Variants in LRRC4C observed in about 807,000 individuals in gnomAD.
The protein encoded by LRRC4C is leucine rich repeat containing 4C.
A neutral mutation model predicts 33.6 loss-of-function variants in LRRC4C; 5 were observed. The observed-to-expected ratio is 0.15, with a 90% confidence interval of 0.08 to 0.31. LRRC4C has a LOEUF of 0.31. Ranked by LOEUF, LRRC4C falls within the 10% of genes least tolerant of loss-of-function variation. The probability of loss-of-function intolerance (pLI) is 1.00; values close to 1 mark genes in which losing one functional copy is unlikely to be tolerated. For synonymous variants in LRRC4C, 329 were observed against 302.0 expected (o/e 1.09, Z -0.93); for missense variants, 560 against 796.7 (o/e 0.70, Z 3.58).
chr11:41,255,862 T>C (rs1257471103), intron 1 of LRRC4C, among the ~76,000 whole-genome samples: 1 of 152,004 alleles, frequency 6.6e-6, no homozygotes, highest in Non-Finnish European at 1.5e-5. Flanking sequence ...TGTGCCCTTC[T>C]AGGAGTCAGC....
chr11:40,966,437 T>C (rs1851371643), intron 1 of LRRC4C, among the ~76,000 whole-genome samples: 1 of 151,958 alleles, frequency 6.6e-6, no homozygotes, highest in South Asian at 2.1e-4. Context: ...CCAAGGCACC[T>C]ATCTTTTATA....
chr11:40,229,557 G>A (rs1865055296), intron 5 of LRRC4C, among the ~76,000 whole-genome samples: 1 of 152,248 alleles, frequency 6.6e-6, no homozygotes, highest in Non-Finnish European at 1.5e-5. Context: ...ACAGGTGTGA[G>A]CCACCACACC....
chr11:40,620,760 G>T (rs1343332630), intron 3 of LRRC4C, among the ~76,000 whole-genome samples: 1 of 151,772 alleles, frequency 6.6e-6, no homozygotes, highest in Non-Finnish European at 1.5e-5. Context: ...ATCATTTAGC[G>T]AACATCTTTG....
chr11:41,408,370 G>A (rs546738541), intron 1 of LRRC4C, among the ~76,000 whole-genome samples: 1 of 152,202 alleles, frequency 6.6e-6, no homozygotes, highest in South Asian at 2.1e-4. Context: ...GAAGAAGTAT[G>A]TTAGAATTCA....
chr11:40,963,003 A>C (rs548695497), intron 1 of LRRC4C, among the ~76,000 whole-genome samples: 1 of 151,722 alleles, frequency 6.6e-6, no homozygotes, highest in African/African-American at 2.4e-5. Context: ...AAGATACAGA[A>C]GTGGTTATGC....
At chr11:40,559,934 A>T (rs890662546) in intron 3 of LRRC4C, among the ~76,000 whole-genome samples, 1 of 152,014 alleles carries the variant, frequency 6.6e-6, no homozygotes, top group Non-Finnish European at 1.5e-5. Context: ...ACCATCTTAC[A>T]CTTACATGTG....
At chr11:40,550,631 A>G (rs994733477) in intron 3 of LRRC4C, among the ~76,000 whole-genome samples, 2 of 152,188 alleles carry the variant, frequency 1.3e-5, no homozygotes, top group African/African-American at 2.4e-5. Context: ...GAATTCTTCA[A>G]TCCAGCTTCT....
intron 5 of LRRC4C, among the ~76,000 whole-genome samples, chr11:40,154,323 G>T (rs1466121418): frequency 1.0e-4 from 15 of 146,662 alleles, no homozygotes; most frequent in African/African-American, 2.8e-4. Flanking sequence ...AAGTACACAG[G>T]CAACAAAGAA....
At chr11:40,960,815 T>C (rs1268173011) in intron 1 of LRRC4C, among the ~76,000 whole-genome samples, 1 of 151,654 alleles carries the variant, frequency 6.6e-6, no homozygotes, top group Non-Finnish European at 1.5e-5. Flanking sequence ...AGGCTGTCAG[T>C]GGGTGCTGCT....
In LRRC4C at chr11:40,517,744, G is replaced by GA. The variant is rs34257872; in HGVS notation, c.-270+130397dup. ...TTGACTTTCTTCACAGAATTGGGGG[G>GA]AAAAAAAAAAAACTACTTTAAACTT... On this transcript the variant is annotated intron_variant, in intron 3 of 6. Transcript: ENST00000528697. Among the ~76,000 whole-genome samples the GA allele has an allele frequency of 6.6e-3, 977 of 146,942 alleles. 7 individuals are homozygous for GA. The highest frequency in any genetic ancestry group is 0.022 in the African/African-American group (895 of 39,800).
At chr11:40,991,434 A>G (rs1478575184) in intron 1 of LRRC4C, among the ~76,000 whole-genome samples, 1 of 152,190 alleles carries the variant, frequency 6.6e-6, no homozygotes, top group African/African-American at 2.4e-5. Flanking sequence ...CCTTTGTGGC[A>G]TCAGGAGCCA....
At chr11:40,464,160 C>T (rs1358752166) in intron 3 of LRRC4C, among the ~76,000 whole-genome samples, 3 of 151,820 alleles carry the variant, frequency 2.0e-5, no homozygotes, top group Non-Finnish European at 2.9e-5. Flanking sequence ...TTTTATTGCA[C>T]GGATGCAATG....
intron 1 of LRRC4C, among the ~76,000 whole-genome samples, chr11:41,374,098 C>T (rs1057508366): frequency 6.6e-6 from 1 of 152,134 alleles, no homozygotes; most frequent in African/African-American, 2.4e-5. Flanking sequence ...TTGATGACTT[C>T]CCCCAAACTT....
At chr11:40,725,126 C>T (rs1026180771) in intron 2 of LRRC4C, among the ~76,000 whole-genome samples, 7 of 152,158 alleles carry the variant, frequency 4.6e-5, no homozygotes, top group Admixed American at 2.0e-4. Context: ...GTGATGCCTC[C>T]CAAGGTTGGC....
intron 1 of LRRC4C, among the ~76,000 whole-genome samples, chr11:41,078,072 A>C (rs1309537438): frequency 1.3e-5 from 2 of 152,142 alleles, no homozygotes; most frequent in African/African-American, 2.4e-5. Context: ...TTCAGTTCCC[A>C]ATAATTTCCT....
rs548815028 is a variant in LRRC4C at position 40,698,871 on chromosome 11, C to T, written c.-406-50593G>A. On this transcript the variant is annotated intron_variant, in intron 2 of 6. Transcript: ENST00000528697. ...CAGGTCTCTTGAGACGTATTCACTA[C>T]CAGGAGAACAGCATGGGGGAAACCG... Among the ~76,000 whole-genome samples, 16 of 152,158 alleles carry T rather than the reference C, an allele frequency of 1.1e-4. 1 individual carries two copies. The South Asian group carries it at 3.1e-3, about 30-fold the overall frequency.
At chr11:40,463,316 G>A (rs1302432956) in intron 3 of LRRC4C, among the ~76,000 whole-genome samples, 1 of 147,536 alleles carries the variant, frequency 6.8e-6, no homozygotes, top group African/African-American at 2.6e-5. Flanking sequence ...GTGTGTGTGT[G>A]TGTGTGTGTG....
chr11:40,334,121 G>C (rs1306248143), intron 3 of LRRC4C, among the ~76,000 whole-genome samples: 1 of 152,088 alleles, frequency 6.6e-6, no homozygotes, highest in East Asian at 1.9e-4. Flanking sequence ...GTTTTTCCTT[G>C]CTGTGTTTTA....
intron 3 of LRRC4C, among the ~76,000 whole-genome samples, chr11:40,427,524 C>A (rs1167720206): frequency 6.6e-6 from 1 of 151,690 alleles, no homozygotes; most frequent in Non-Finnish European, 1.5e-5. Context: ...TAAAATAAAG[C>A]TGAATCACAA....
Sources: allele counts gnomAD v4.1 joint callset (sites outside exome capture counted in the v4.1 genomes callset), GRCh38; gene constraint gnomAD v4.1.1; transcripts MANE v1.5; gene names NCBI Gene and HGNC (gene_info 2026-07-23, HGNC 2026-07-21).